Variants in SGCZ observed in about 807,000 individuals in gnomAD.
SGCZ encodes the protein sarcoglycan zeta, also known as zeta-sarcoglycan.
A neutral mutation model predicts 41.3 loss-of-function variants in SGCZ; 40 were observed. The ratio of observed to expected loss-of-function variants is 0.97; its 90% CI spans 0.75 to 1.26. SGCZ has a LOEUF of 1.26. Among genes scored for constraint, SGCZ ranks in the 50% most tolerant of loss-of-function variants. The pLI is 0.00. For synonymous variants in SGCZ, 206 were observed against 137.5 expected (o/e 1.50, Z -3.49); for missense variants, 552 against 369.8 (o/e 1.49, Z -4.04).
At chr8:14,789,964 A>G (rs897123157) in intron 1 of SGCZ, among the ~76,000 whole-genome samples, 2 of 152,218 alleles carry the variant, frequency 1.3e-5, no homozygotes, top group African/African-American at 4.8e-5. Flanking sequence ...TTGGTGTTAC[A>G]TAAATGTACA....
chr8:14,871,366 C>A (rs1235422183), intron 1 of SGCZ, among the ~76,000 whole-genome samples: 1 of 152,054 alleles, frequency 6.6e-6, no homozygotes, highest in Non-Finnish European at 1.5e-5. Flanking sequence ...ACCATTTGAC[C>A]CAGTAATCCC....
chr8:14,257,298 C>A (rs181231710), intron 3 of SGCZ, among the ~76,000 whole-genome samples: 1 of 151,686 alleles, frequency 6.6e-6, no homozygotes, highest in Non-Finnish European at 1.5e-5. Flanking sequence ...GCCACTCACT[C>A]CCTCACTCCA....
At chr8:15,207,169 C>G (rs1478566563) in intron 1 of SGCZ, among the ~76,000 whole-genome samples, 2 of 152,198 alleles carry the variant, frequency 1.3e-5, no homozygotes, top group South Asian at 2.1e-4. Context: ...GATTTAAGAG[C>G]AGAAAAAGCT....
chr8:14,908,490 G>A (rs538818321), intron 1 of SGCZ, among the ~76,000 whole-genome samples: 48 of 152,196 alleles, frequency 3.2e-4, no homozygotes, highest in Admixed American at 1.0e-3. Context: ...ACTGGCTCAC[G>A]CCTGTAATCC....
intron 4 of SGCZ, among the ~76,000 whole-genome samples, chr8:14,174,835 G>T (rs1049444131): frequency 6.6e-6 from 1 of 152,054 alleles, no homozygotes; most frequent in Admixed American, 6.5e-5. Flanking sequence ...CAGCATAAAT[G>T]CTTCCATCTT....
chr8:14,688,452 A>T (rs1808689727), intron 1 of SGCZ, among the ~76,000 whole-genome samples: 1 of 152,148 alleles, frequency 6.6e-6, no homozygotes, highest in African/African-American at 2.4e-5. Context: ...TAAATAGGGA[A>T]TCCATTCCCC....
At chr8:15,110,794 C>T (rs1807019083) in intron 1 of SGCZ, among the ~76,000 whole-genome samples, 1 of 152,076 alleles carries the variant, frequency 6.6e-6, no homozygotes, top group African/African-American at 2.4e-5. Context: ...CATGGAGAAA[C>T]CCTGTCTCTA....
At chr8:14,580,475 T>C (rs989520937) in intron 1 of SGCZ, among the ~76,000 whole-genome samples, 3 of 152,142 alleles carry the variant, frequency 2.0e-5, no homozygotes, top group Non-Finnish European at 2.9e-5. Context: ...TTATCATAAT[T>C]ATCTGAAGAA....
intron 1 of SGCZ, among the ~76,000 whole-genome samples, chr8:15,215,989 A>G (rs1035379626): frequency 6.6e-6 from 1 of 152,066 alleles, no homozygotes; most frequent in Non-Finnish European, 1.5e-5. Context: ...CACTTTCCTC[A>G]TCAACAGTGT....
intron 2 of SGCZ, among the ~76,000 whole-genome samples, chr8:14,465,248 C>T (rs1195699047): frequency 6.6e-6 from 1 of 151,556 alleles, no homozygotes; most frequent in African/African-American, 2.4e-5. Flanking sequence ...TGATGTTCTG[C>T]TATTAGGTAC....
chr8:14,973,088 C>T (rs529964985), intron 1 of SGCZ, among the ~76,000 whole-genome samples: 2 of 152,116 alleles, frequency 1.3e-5, no homozygotes, highest in Non-Finnish European at 2.9e-5. Flanking sequence ...AAACTTTGTT[C>T]TGGGATACAG....
chr8:14,547,928 G>A (rs1201614425), intron 2 of SGCZ, among the ~76,000 whole-genome samples: 2 of 151,840 alleles, frequency 1.3e-5, no homozygotes, highest in African/African-American at 4.8e-5. Context: ...ATCTTTTTAT[G>A]TGTCTAGGAT....
chr8:14,961,015 A>C (rs568305481), intron 1 of SGCZ, among the ~76,000 whole-genome samples: 2 of 152,118 alleles, frequency 1.3e-5, no homozygotes, highest in South Asian at 4.1e-4. Flanking sequence ...AAAAGAAGAG[A>C]GTGCATTATT....
At chr8:15,080,124 T>G (rs893208087) in intron 1 of SGCZ, among the ~76,000 whole-genome samples, 1 of 152,222 alleles carries the variant, frequency 6.6e-6, no homozygotes, top group African/African-American at 2.4e-5. Context: ...ATTTGATTCC[T>G]GGACGAGATA....
At chr8:14,823,132 A>T (rs916614640) in intron 1 of SGCZ, among the ~76,000 whole-genome samples, 2 of 151,788 alleles carry the variant, frequency 1.3e-5, no homozygotes, top group African/African-American at 4.8e-5. Flanking sequence ...TTAGAAATAA[A>T]AGGAAAACAG....
chr8:14,220,073 A>G (rs560885280), intron 4 of SGCZ, among the ~76,000 whole-genome samples: 6 of 152,202 alleles, frequency 3.9e-5, no homozygotes, highest in Non-Finnish European at 7.3e-5. Flanking sequence ...AAATGCAATT[A>G]CTATTGCATC....
At chr8:14,977,960 C>T (rs1051451563) in intron 1 of SGCZ, among the ~76,000 whole-genome samples, 3 of 151,358 alleles carry the variant, frequency 2.0e-5, no homozygotes, top group African/African-American at 4.9e-5. Context: ...TTTTCAAATG[C>T]ATAAATTTGA....
intron 1 of SGCZ, among the ~76,000 whole-genome samples, chr8:15,165,082 G>C (rs1799622050): frequency 6.6e-6 from 1 of 152,034 alleles, no homozygotes; most frequent in Non-Finnish European, 1.5e-5. Context: ...ACGAGGTCAG[G>C]AGTTCAAGAC....
At chr8:14,865,840 T>C (rs1357548789) in intron 1 of SGCZ, among the ~76,000 whole-genome samples, 1 of 152,128 alleles carries the variant, frequency 6.6e-6, no homozygotes, top group African/African-American at 2.4e-5. Flanking sequence ...AAGAATTCTC[T>C]GGCAAAGCAA....
Sources: allele counts gnomAD v4.1 joint callset (sites outside exome capture counted in the v4.1 genomes callset), GRCh38; gene constraint gnomAD v4.1.1; transcripts MANE v1.5; gene names NCBI Gene and HGNC (gene_info 2026-07-23, HGNC 2026-07-21).